GALNTL6: variants seen among roughly 807,000 people sequenced by gnomAD.
GALNTL6 encodes the protein polypeptide N-acetylgalactosaminyltransferase-like 6.
Under a neutral mutation model 73.7 loss-of-function variants are expected in GALNTL6, and 46 were observed. The observed-to-expected ratio is 0.62, with a 90% CI of 0.49 to 0.80. GALNTL6 has a LOEUF of 0.80. Among genes scored for constraint, GALNTL6 ranks in the 30% least tolerant of loss-of-function variants. GALNTL6 has a pLI of 0.00. For missense variants in GALNTL6, 604 were observed against 755.0 expected (o/e 0.80, Z 2.34); for synonymous variants, 259 against 263.7 (o/e 0.98, Z 0.17).
At chr4:173,015,768 C>A (rs568188953) in intron 11 of GALNTL6, among the ~76,000 whole-genome samples, 1 of 152,340 alleles carries the variant, frequency 6.6e-6, no homozygotes, top group Admixed American at 6.5e-5. Context: ...TAAATTCCAG[C>A]CTGCTACAGA....
chr4:172,215,737 A>G (rs1407949229), intron 2 of GALNTL6, among the ~76,000 whole-genome samples: 1 of 152,148 alleles, frequency 6.6e-6, no homozygotes, highest in Non-Finnish European at 1.5e-5. Flanking sequence ...TATGTTCACT[A>G]TGTCTGTAAC....
intron 2 of GALNTL6, among the ~76,000 whole-genome samples, chr4:171,876,812 G>T (rs1736294225): frequency 6.6e-6 from 1 of 152,114 alleles, no homozygotes; most frequent in Non-Finnish European, 1.5e-5. Context: ...TATTTCCTCA[G>T]GCCACTCAGC....
At chr4:172,884,473 A>G (rs1745617428) in intron 8 of GALNTL6, among the ~76,000 whole-genome samples, 1 of 152,114 alleles carries the variant, frequency 6.6e-6, no homozygotes, top group Non-Finnish European at 1.5e-5. Context: ...AATTATTTGA[A>G]GGATTTTACT....
At chr4:172,151,910 A>G (rs1371485602) in intron 2 of GALNTL6, among the ~76,000 whole-genome samples, 1 of 149,744 alleles carries the variant, frequency 6.7e-6, no homozygotes, top group African/African-American at 2.4e-5. Context: ...ATATAAAAAT[A>G]TATATCTATA....
intron 5 of GALNTL6, among the ~76,000 whole-genome samples, chr4:172,524,238 C>T (rs338051): frequency 0.99 from 150,704 of 152,094 alleles, 74,683 homozygotes; most frequent in Middle Eastern, 1. Flanking sequence ...TTATTTTTTG[C>T]TCATTTATTT....
intron 5 of GALNTL6, among the ~76,000 whole-genome samples, chr4:172,770,788 AT>A (rs1738720169): frequency 6.6e-6 from 1 of 152,222 alleles, no homozygotes; most frequent in African/African-American, 2.4e-5. Flanking sequence ...AAGTAAAACT[AT>A]TGATCTTGTT....
chr4:172,349,575 AAGAT>A (rs1741870034), intron 5 of GALNTL6, among the ~76,000 whole-genome samples: 1 of 152,088 alleles, frequency 6.6e-6, no homozygotes, highest in African/African-American at 2.4e-5. Context: ...AATTCTGCAA[AAGAT>A]AGACTGCTTG....
chr4:171,831,219 C>A (rs1251474336), intron 2 of GALNTL6, among the ~76,000 whole-genome samples: 4 of 151,724 alleles, frequency 2.6e-5, no homozygotes, highest in Admixed American at 2.0e-4. Context: ...TTAGCAGTCA[C>A]GTAGCAGAAA....
At chr4:172,924,560 T>C (rs1357384015) in intron 8 of GALNTL6, among the ~76,000 whole-genome samples, 1 of 152,072 alleles carries the variant, frequency 6.6e-6, no homozygotes, top group African/African-American at 2.4e-5. Context: ...AGCTGAAATC[T>C]GGAAAATATA....
intron 3 of GALNTL6, among the ~76,000 whole-genome samples, chr4:172,242,689 T>C (rs1201904521): frequency 6.6e-6 from 1 of 152,238 alleles, no homozygotes; most frequent in Non-Finnish European, 1.5e-5. Flanking sequence ...TTTTATTGAG[T>C]CTTCTGTCAT....
chr4:172,041,164 T>A (rs1211757168), intron 2 of GALNTL6, among the ~76,000 whole-genome samples: 1 of 152,074 alleles, frequency 6.6e-6, no homozygotes, highest in African/African-American at 2.4e-5. Context: ...GTTGGGAACA[T>A]TTTCTATTTG....
At chr4:172,818,280 G>T (rs1741721767) in intron 7 of GALNTL6, among the ~76,000 whole-genome samples, 1 of 152,134 alleles carries the variant, frequency 6.6e-6, no homozygotes, top group African/African-American at 2.4e-5. Flanking sequence ...TAGCTATCAT[G>T]CTTCCTTTTG....
intron 12 of GALNTL6, among the ~76,000 whole-genome samples, chr4:173,026,438 C>G (rs1287755051): frequency 3.3e-5 from 5 of 152,144 alleles, no homozygotes; most frequent in African/African-American, 7.2e-5. Flanking sequence ...CAGACAGAAC[C>G]ATTCTTAAGG....
chr4:171,946,244 G>C (rs1056646289), intron 2 of GALNTL6, among the ~76,000 whole-genome samples: 4 of 152,062 alleles, frequency 2.6e-5, no homozygotes, highest in Non-Finnish European at 5.9e-5. Flanking sequence ...CAAAATGTCA[G>C]AGTCACAGGA....
chr4:172,752,877 A>C lies in GALNTL6; in HGVS notation c.554-56484A>C, dbSNP rs560258794. Among the ~76,000 whole-genome samples, 5 of 152,220 alleles carry C rather than the reference A, an allele frequency of 3.3e-5. No homozygotes were observed. The South Asian group carries it at 8.3e-4, about 25-fold the overall frequency. On this transcript the variant is annotated intron_variant, in intron 5 of 12. Coordinates refer to ENST00000506823, the MANE Select transcript of GALNTL6 (RefSeq NM_001034845.3). ...AATTTATTTTGATAGATATAATTTT[A>C]TTTTTTTCTGTGAAGATATGTCTTC...
intron 2 of GALNTL6, among the ~76,000 whole-genome samples, chr4:171,959,532 G>T (rs962402858): frequency 3.3e-5 from 5 of 151,688 alleles, no homozygotes; most frequent in Non-Finnish European, 7.4e-5. Context: ...GCGCTGGGGT[G>T]TCTTCTTTTA....
chr4:171,832,189 G>A (rs28751898), intron 2 of GALNTL6, among the ~76,000 whole-genome samples: 24,081 of 151,112 alleles, frequency 0.16, 2,033 homozygotes, highest in South Asian at 0.28. Flanking sequence ...AAAATAATGT[G>A]TTTTTAAAAT....
At position 172,528,426 on chromosome 4, in the gene GALNTL6, C is replaced by T. The variant is rs200908048; in HGVS notation, c.553+179737C>T. On this transcript the variant is annotated intron_variant, in intron 5 of 12. Transcript: ENST00000506823. ...AGGCTGGAGTGCAGTGGCATGATCT[C>T]GGCTCACTGCAACCTCTGCCTCCCA... Among the ~76,000 whole-genome samples, 119 of 148,594 alleles carry T rather than the reference C, an allele frequency of 8.0e-4. 3 individuals carry two copies. In the South Asian group the frequency reaches 0.017, roughly 21 times the overall value.
intron 3 of GALNTL6, among the ~76,000 whole-genome samples, chr4:172,250,205 G>A (rs1737809484): frequency 6.6e-6 from 1 of 152,138 alleles, no homozygotes; most frequent in South Asian, 2.1e-4. Context: ...GAGTCATGGA[G>A]GCCTGTGGCC....
Sources: allele counts gnomAD v4.1 joint callset (sites outside exome capture counted in the v4.1 genomes callset), GRCh38; gene constraint gnomAD v4.1.1; transcripts MANE v1.5; gene names NCBI Gene and HGNC (gene_info 2026-07-23, HGNC 2026-07-21).